The following GGA3 variants were observed in gnomAD, a reference collection of about 807,000 sequenced individuals.
The protein encoded by GGA3 is ADP-ribosylation factor-binding protein GGA3.
Under a neutral mutation model 77.5 loss-of-function variants are expected in GGA3, and 57 were observed. That is an observed-to-expected ratio of 0.74 (90% confidence interval 0.59 to 0.92). The LOEUF (loss-of-function observed/expected upper bound fraction) is 0.92, where lower values mean the gene tolerates loss of function less well. GGA3 is among the 40% of genes least tolerant of loss of function. The pLI, the probability that GGA3 is intolerant of heterozygous loss-of-function variation, is 0.00. For missense variants in GGA3, 970 were observed against 914.9 expected, an observed-to-expected ratio of 1.06 and a Z score of -0.78; for synonymous variants, 416 against 383.7, an observed-to-expected ratio of 1.08 and a Z score of -0.98.
intron 5 of GGA3, 34 bp downstream of exon 5, chr17:75,243,413 G>A (rs764264934): frequency 1.1e-5 from 17 of 1,612,544 alleles, no homozygotes; most frequent in African/African-American, 1.3e-5. Flanking sequence ...GCCTTCGAGG[G>A]CTGCCTGGAG....
rs1568106558 is a variant in GGA3, at chr17:75,238,041, CCT to C, written c.*236_*237del. 1.5e-5 allele frequency: 20 copies of C among 1,331,458 alleles called. No individual in the cohort carries two copies. Among genetic ancestry groups the C allele is most frequent in the Non-Finnish European group, 1.7e-5 (18 of 1,042,696 alleles). The allele number at this position is 1,331,458 out of a possible 1,614,324, so 82.5% of individuals were successfully genotyped here. A position where few individuals can be genotyped will look rare whatever the true frequency, so the allele number is the denominator to read the frequency against. On this transcript the variant is annotated 3_prime_UTR_variant, in exon 17 of 17. Coordinates refer to ENST00000537686, the MANE Select transcript of GGA3 (RefSeq NM_138619.4). The stretch of plus-strand genomic sequence containing the variant: ...GTGAAGTCAGGGGCCACTCCGCACC[CCT>C]GACAGCATATGGCCACTTCAAGTCA...
Position 75,243,094 on chromosome 17 carries a change from T to A in GGA3, c.497A>T (p.Asn166Ile). Reference sequence around the variant, plus strand: ...CTTCTCCTCATCATCAAAAACAGGGTTTTTGGGACGAGGTGGTGGAGAGGG... The same window carrying A: ...CTTCTCCTCATCATCAAAAACAGGGATTTTGGGACGAGGTGGTGGAGAGGG... ...LIPSPPPRPK[N>I]PVFDDEEKSK... Residue 166 changes from asparagine (N) to isoleucine (I), a missense_variant, in exon 6 of 17, where the codon AAC becomes ATC. Transcript: ENST00000537686. 6.2e-7 allele frequency: 1 copy of A among 1,610,426 alleles called. No individual in the cohort carries two copies. The highest frequency in any genetic ancestry group is 8.5e-7 in the Non-Finnish European group (1 of 1,177,336).
chr17:75,236,813 G>C lies in GGA3; in HGVS notation c.*1466C>G, dbSNP rs1474236455. The C allele has an allele frequency of 6.5e-6, 1 of 153,728 alleles. No individual in the cohort carries two copies. The highest frequency in any genetic ancestry group is 1.5e-5 in the Non-Finnish European group (1 of 68,790). The allele number at this position is 153,728 out of a possible 1,614,324, so 9.5% of individuals were successfully genotyped here. ...AGCAGCCAGTCTCTGGAAAGCTCTT[G>C]GATTTATTCCTTAAGTAGTGAAAAA... On this transcript the variant is annotated 3_prime_UTR_variant, in exon 17 of 17. Transcript: ENST00000537686.
chr17:75,262,087 G>A (rs1353124025), upstream of GGA3: 9 of 1,351,780 alleles, frequency 6.7e-6, no homozygotes, highest in South Asian at 1.2e-5. Context: ...GGGGGCCGGA[G>A]TATCTGGATT....
rs2076328289 is a variant in GGA3, at chr17:75,236,615, T to G, written c.*1664A>C. The G allele has an allele frequency of 2.0e-5, 3 of 152,680 alleles. No homozygotes were observed. The South Asian group carries it at 6.2e-4, about 32-fold the overall frequency. 9.5% of individuals were successfully genotyped at this position (152,680 alleles called of 1,614,324 possible). A position where few individuals can be genotyped will look rare whatever the true frequency, so the allele number is the denominator to read the frequency against. ...GATTCCAAGTACAGTGAAAATGGTT[T>G]TATTTAACATGCAGCAAAACAAGGG... On this transcript the variant is annotated 3_prime_UTR_variant, in exon 17 of 17. Coordinates refer to ENST00000537686, the MANE Select transcript of GGA3 (RefSeq NM_138619.4).
At chr17:75,252,898 C>A (rs1012856224) in intron 1 of GGA3, among the ~76,000 whole-genome samples, 1 of 152,168 alleles carries the variant, frequency 6.6e-6, no homozygotes, top group African/African-American at 2.4e-5. Flanking sequence ...TTAACTTCAC[C>A]GCCTATCCCA....
chr17:75,247,745 G>A (rs1244281221), intron 1 of GGA3, among the ~76,000 whole-genome samples: 5 of 152,132 alleles, frequency 3.3e-5, no homozygotes, highest in African/African-American at 1.2e-4. Flanking sequence ...AGCACCCCCA[G>A]GCTCTAATGG....
At position 75,261,538 on chromosome 17, in the gene GGA3, G is replaced by T. The variant is rs761501535; in HGVS notation, c.40+10C>A. 5 of 1,521,724 alleles carry T rather than the reference G, an allele frequency of 3.3e-6. No individual in the cohort carries two copies. The highest frequency in any genetic ancestry group is 4.4e-6 in the Non-Finnish European group (5 of 1,135,074). 94.3% of individuals were successfully genotyped at this position (1,521,724 alleles called of 1,614,324 possible). A position where few individuals can be genotyped will look rare whatever the true frequency, so the allele number is the denominator to read the frequency against. ...CTCGAGGGCAGGCAGAAACGGCCGC[G>T]GCTACTCACTGAGCCAGGACTCCAG... is the stretch of plus-strand genomic sequence containing the variant. On this transcript the variant is annotated intron_variant, in intron 1 of 16. Transcript: ENST00000537686.
intron 11 of GGA3, 28 bp from the exon 12 acceptor site, chr17:75,240,440 G>C (rs762287852): frequency 2.7e-6 from 4 of 1,489,602 alleles, no homozygotes; most frequent in Non-Finnish European, 3.7e-6. Flanking sequence ...AACAGGATGA[G>C]AAGAGGCTCT....
At chr17:75,247,465 T>C (rs989093508) in intron 1 of GGA3, among the ~76,000 whole-genome samples, 2 of 152,172 alleles carry the variant, frequency 1.3e-5, no homozygotes, top group Admixed American at 1.3e-4. Context: ...TTTCTCCATG[T>C]TGGTCAGGCT....
At position 75,243,716 on chromosome 17, in the gene GGA3, G is replaced by A. The variant is rs111246980; in HGVS notation, c.301-146C>T. On this transcript the variant is annotated intron_variant, in intron 4 of 16. Transcript: ENST00000537686. ...GGTGTCCAAGTGTGTGTGAGACAGCGTGGGGAGGGGAACGACTCCCTGTGG... is the reference window on the plus strand; with the variant it reads ...GGTGTCCAAGTGTGTGTGAGACAGCATGGGGAGGGGAACGACTCCCTGTGG... The A allele has an allele frequency of 3.0e-3, 2,167 of 728,350 alleles. 28 individuals are homozygous for A. The highest frequency in any genetic ancestry group is 0.021 in the South Asian group (1,162 of 55,792). The allele number at this position is 728,350 out of a possible 1,614,324, so 45.1% of individuals were successfully genotyped here. A position where few individuals can be genotyped will look rare whatever the true frequency, so the allele number is the denominator to read the frequency against.
At chr17:75,244,045 C>T (rs771361949) in intron 4 of GGA3, among the ~76,000 whole-genome samples, 3 of 152,114 alleles carry the variant, frequency 2.0e-5, no homozygotes, top group Non-Finnish European at 4.4e-5. Context: ...GACCCTGATG[C>T]CCATGTGGTG....
intron 1 of GGA3, among the ~76,000 whole-genome samples, chr17:75,254,487 C>G (rs2077074549): frequency 6.6e-6 from 1 of 152,128 alleles, no homozygotes; most frequent in African/African-American, 2.4e-5. Flanking sequence ...AAAATCCAGC[C>G]CAGTTCATGG....
rs1205322774 is a variant in GGA3, at chr17:75,237,452, T to G, written c.*827A>C. On this transcript the variant is annotated 3_prime_UTR_variant, in exon 17 of 17. Transcript: ENST00000537686. ...AAGGGGAGGATAGCAGTTTATTTCA[T>G]GCCAAGCAAGAGGTAGTCAGTAGGA... 2 of 1,530,790 alleles carry G rather than the reference T, an allele frequency of 1.3e-6. No homozygotes were observed. Among genetic ancestry groups the G allele is most frequent in the Middle Eastern group, 1.7e-4 (1 of 5,978 alleles). The allele number at this position is 1,530,790 out of a possible 1,614,324, so 94.8% of individuals were successfully genotyped here. A position where few individuals can be genotyped will look rare whatever the true frequency, so the allele number is the denominator to read the frequency against.
chr17:75,238,015 A>C lies in GGA3; in HGVS notation c.*264T>G. On this transcript the variant is annotated 3_prime_UTR_variant, in exon 17 of 17. Transcript: ENST00000537686. ...TGGGGGTCCATGTTCCCGGGACAGCAGTGAAGTCAGGGGCCACTCCGCACC... is the reference window on the plus strand; with the variant it reads ...TGGGGGTCCATGTTCCCGGGACAGCCGTGAAGTCAGGGGCCACTCCGCACC... The C allele has an allele frequency of 1.6e-6, 2 of 1,258,376 alleles. No homozygotes were observed. The highest frequency in any genetic ancestry group is 2.0e-6 in the Non-Finnish European group (2 of 1,000,070). The allele number at this position is 1,258,376 out of a possible 1,614,324, so 78.0% of individuals were successfully genotyped here. A position where few individuals can be genotyped will look rare whatever the true frequency, so the allele number is the denominator to read the frequency against.
rs2076427391 is a variant in GGA3, at chr17:75,239,082, G to A, written c.1782C>T (p.Ser594=). 3 of 1,612,112 alleles carry A rather than the reference G, an allele frequency of 1.9e-6. No individual in the cohort carries two copies. Among genetic ancestry groups the A allele is most frequent in the Non-Finnish European group, 2.5e-6 (3 of 1,179,388 alleles). The change falls in exon 15 of 17, where the codon AGC becomes AGT. Residue 594 remains serine (S), a splice_region_variant and synonymous_variant. Coordinates refer to ENST00000537686, the MANE Select transcript of GGA3 (RefSeq NM_138619.4). ...CGTAGGCTGTCACAGGAAGGGCACTGCCTGTAAGAACGTGACGTGAGTGTG... is the reference window on the plus strand; with the variant it reads ...CGTAGGCTGTCACAGGAAGGGCACTACCTGTAAGAACGTGACGTGAGTGTG... The part of the protein sequence containing the change: ...IHVPLESIKP[S]SALPVTAYDK...
intron 1 of GGA3, among the ~76,000 whole-genome samples, chr17:75,258,813 T>C (rs2077242757): frequency 8.1e-6 from 1 of 123,630 alleles, no homozygotes. Flanking sequence ...TCTCTCCACA[T>C]CACCATCTAG....
At chr17:75,241,279 C>A in intron 10 of GGA3, 121 bp downstream of exon 10, 1 of 784,526 alleles carries the variant, frequency 1.3e-6, no homozygotes, top group African/African-American at 1.7e-5. Context: ...CTTGGAATGG[C>A]AAAGAACTCC....
intron 3 of GGA3, among the ~76,000 whole-genome samples, chr17:75,246,179 A>C (rs186268078): frequency 3.3e-5 from 5 of 152,214 alleles, no homozygotes; most frequent in Non-Finnish European, 7.3e-5. Context: ...CAGCCCTGTC[A>C]GCATCTCTTC....
Sources: allele counts gnomAD v4.1 joint callset (sites outside exome capture counted in the v4.1 genomes callset), GRCh38; gene constraint gnomAD v4.1.1; transcripts MANE v1.5; gene names NCBI Gene and HGNC (gene_info 2026-07-23, HGNC 2026-07-21).